Variants in NOS1AP observed in about 807,000 individuals in gnomAD.
NOS1AP encodes the protein nitric oxide synthase 1 adaptor protein, also known as carboxyl-terminal PDZ ligand of neuronal nitric oxide synthase protein.
Under a neutral mutation model 56.2 loss-of-function variants are expected in NOS1AP, and 21 were observed. The ratio of observed to expected loss-of-function variants is 0.37; its 90% CI spans 0.26 to 0.54. The LOEUF is 0.54. Among genes scored for constraint, NOS1AP ranks in the 20% least tolerant of loss-of-function variants. The pLI, the probability that NOS1AP is intolerant of heterozygous loss-of-function variation, is 0.84. For synonymous variants in NOS1AP, 270 were observed against 274.6 expected (o/e 0.98, Z 0.17); for missense variants, 522 against 657.8 (o/e 0.79, Z 2.26).
chr1:162,215,433 T>A (rs1652536937), intron 2 of NOS1AP, among the ~76,000 whole-genome samples: 1 of 152,210 alleles, frequency 6.6e-6, no homozygotes, highest in African/African-American at 2.4e-5. Flanking sequence ...TAACTTGCAT[T>A]GCGGGGCTAG....
intron 2 of NOS1AP, among the ~76,000 whole-genome samples, chr1:162,257,625 GGTGACAGAGCGA>G (rs1654075269): frequency 6.6e-6 from 1 of 151,446 alleles, no homozygotes; most frequent in African/African-American, 2.4e-5. Context: ...CTCCAGCCTG[GGTGACAGAGCGA>G]GACTCCATCT....
chr1:162,324,896 T>G (rs776516264), intron 4 of NOS1AP, among the ~76,000 whole-genome samples: 2 of 152,212 alleles, frequency 1.3e-5, no homozygotes, highest in Non-Finnish European at 2.9e-5. Flanking sequence ...TTCCAGACTG[T>G]GCTGCGATGA....
chr1:162,147,331 CAAA>C (rs572205161), intron 1 of NOS1AP, among the ~76,000 whole-genome samples: 10 of 74,864 alleles, frequency 1.3e-4, no homozygotes, highest in Admixed American at 3.1e-4. Flanking sequence ...GACTCCGTCT[CAAA>C]AAAAAAAAAA....
At chr1:162,267,186 G>A (rs944388563) in intron 2 of NOS1AP, among the ~76,000 whole-genome samples, 1 of 152,152 alleles carries the variant, frequency 6.6e-6, no homozygotes, top group African/African-American at 2.4e-5. Flanking sequence ...ATAGATCAAA[G>A]AGCTGTATCT....
At chr1:162,194,897 A>G (rs1651757314) in intron 2 of NOS1AP, among the ~76,000 whole-genome samples, 2 of 152,164 alleles carry the variant, frequency 1.3e-5, no homozygotes, top group South Asian at 4.1e-4. Flanking sequence ...CTAGAATTTT[A>G]TATCCAGCAT....
At chr1:162,106,124 T>C (rs1647498128) in intron 1 of NOS1AP, among the ~76,000 whole-genome samples, 1 of 152,170 alleles carries the variant, frequency 6.6e-6, no homozygotes, top group Non-Finnish European at 1.5e-5. Context: ...TGTGGGCTCA[T>C]GAGGGGATCT....
chr1:162,218,722 G>C (rs554452212), intron 2 of NOS1AP, among the ~76,000 whole-genome samples: 2 of 152,284 alleles, frequency 1.3e-5, no homozygotes, highest in African/African-American at 4.8e-5. Flanking sequence ...CAGCCTATTA[G>C]AGCGGAGGAG....
intron 4 of NOS1AP, among the ~76,000 whole-genome samples, chr1:162,322,938 A>G (rs1369347218): frequency 1.3e-5 from 2 of 152,258 alleles, no homozygotes; most frequent in African/African-American, 4.8e-5. Context: ...CAGTTTTCAG[A>G]ACTTGGTGAA....
At chr1:162,129,862 A>G (rs1233587109) in intron 1 of NOS1AP, among the ~76,000 whole-genome samples, 1 of 152,162 alleles carries the variant, frequency 6.6e-6, no homozygotes, top group Admixed American at 6.5e-5. Flanking sequence ...TGCCTGTATT[A>G]TCTGTGATTG....
intron 1 of NOS1AP, among the ~76,000 whole-genome samples, chr1:162,136,903 G>T (rs1383445495): frequency 6.6e-6 from 1 of 152,218 alleles, no homozygotes; most frequent in Admixed American, 6.5e-5. Flanking sequence ...TAATACATCA[G>T]GTCAACCAGA....
At chr1:162,283,417 T>G (rs1201728045) in intron 2 of NOS1AP, among the ~76,000 whole-genome samples, 3 of 152,112 alleles carry the variant, frequency 2.0e-5, no homozygotes, top group Non-Finnish European at 4.4e-5. Flanking sequence ...CCTTCTTGGA[T>G]ACTCAGTGAC....
At chr1:162,362,510 T>C (rs1469384698) in intron 8 of NOS1AP, among the ~76,000 whole-genome samples, 3 of 151,612 alleles carry the variant, frequency 2.0e-5, no homozygotes, top group African/African-American at 7.3e-5. Flanking sequence ...GACTCTGCAG[T>C]ATGTGTGCAG....
intron 2 of NOS1AP, among the ~76,000 whole-genome samples, chr1:162,279,427 G>T (rs1319923810): frequency 2.0e-5 from 3 of 152,130 alleles, no homozygotes; most frequent in African/African-American, 7.2e-5. Context: ...CCATCATGCT[G>T]GTCTCCTGAC....
At chr1:162,204,386 TG>T (rs1359775460) in intron 2 of NOS1AP, among the ~76,000 whole-genome samples, 1 of 152,222 alleles carries the variant, frequency 6.6e-6, no homozygotes, top group African/African-American at 2.4e-5. Flanking sequence ...GTCTTTTGGT[TG>T]GGGGACCAAA....
intron 5 of NOS1AP, among the ~76,000 whole-genome samples, chr1:162,333,704 C>T (rs1210186867): frequency 2.6e-5 from 4 of 152,154 alleles, no homozygotes; most frequent in Admixed American, 1.3e-4. Context: ...CCCTGAGTGA[C>T]GTTATGTAGG....
chr1:162,158,156 T>C (rs754380732), intron 2 of NOS1AP, among the ~76,000 whole-genome samples: 1 of 152,164 alleles, frequency 6.6e-6, no homozygotes, highest in Non-Finnish European at 1.5e-5. Flanking sequence ...CAATTCCCCT[T>C]CCCCCTCTTG....
At chr1:162,278,685 G>A (rs974750985) in intron 2 of NOS1AP, among the ~76,000 whole-genome samples, 157 of 151,484 alleles carry the variant, frequency 1.0e-3, no homozygotes, top group East Asian at 2.9e-3. Flanking sequence ...GTGTGTGTGT[G>A]TGTGTGTGTG....
rs75373525 is a variant in NOS1AP at position 162,151,299 on chromosome 1, C to G, written c.106-3106C>G. 5.9e-3 allele frequency among the ~76,000 whole-genome samples: 905 copies of G among 152,204 alleles called. 7 individuals are homozygous for G. The highest frequency in any genetic ancestry group is 0.021 in the African/African-American group (860 of 41,492). On this transcript the variant is annotated intron_variant, in intron 1 of 9. Coordinates refer to ENST00000361897, the MANE Select transcript of NOS1AP (RefSeq NM_014697.3). Reference sequence around the variant, plus strand: ...ATGTATGGATTTGTTTCCGGGTTCCCCATTCTGTTCCATTGGTCTATGTGT... The same window carrying G: ...ATGTATGGATTTGTTTCCGGGTTCCGCATTCTGTTCCATTGGTCTATGTGT...
chr1:162,338,037 A>C (rs563309247), intron 5 of NOS1AP, among the ~76,000 whole-genome samples: 265 of 152,354 alleles, frequency 1.7e-3, no homozygotes, highest in African/African-American at 6.1e-3. Context: ...CCCAACCCAA[A>C]AAAATACATT....
Sources: gnomAD v4.1 joint callset for allele counts (sites outside exome capture counted in the v4.1 genomes callset) on GRCh38, gnomAD v4.1.1 for gene constraint, MANE v1.5 for transcripts, NCBI Gene and HGNC (gene_info 2026-07-23, HGNC 2026-07-21) for gene names.